OR51B5: variants seen among roughly 807,000 people sequenced by gnomAD.
OR51B5 encodes olfactory receptor family 51 subfamily B member 5.
For synonymous variants in OR51B5, 186 were observed against 144.8 expected, an observed-to-expected ratio of 1.28 and a Z score of -2.04; for missense variants, 456 against 374.6, an observed-to-expected ratio of 1.22 and a Z score of -1.79.
intron 1 of OR51B5, among the ~76,000 whole-genome samples, chr11:5,503,409 AACT>A (rs1301786214): frequency 1.3e-5 from 2 of 148,326 alleles, no homozygotes; most frequent in Non-Finnish European, 1.5e-5. Context: ...TATTTGAAGA[AACT>A]ACACTTTTTT....
chr11:5,408,572 T>G (rs1482320895), intron 1 of OR51B5, among the ~76,000 whole-genome samples: 1 of 152,174 alleles, frequency 6.6e-6, no homozygotes, highest in African/African-American at 2.4e-5. Flanking sequence ...TAGAGACTGG[T>G]CTGGCACTCA....
At chr11:5,356,164 G>A (rs777375943) in intron 1 of OR51B5, among the ~76,000 whole-genome samples, 3 of 152,080 alleles carry the variant, frequency 2.0e-5, no homozygotes, top group Non-Finnish European at 4.4e-5. Flanking sequence ...GGCTTCAGAC[G>A]ATCAAACTAC....
intron 1 of OR51B5, chr11:5,351,505 G>C: frequency 6.2e-7 from 1 of 1,603,962 alleles, no homozygotes. Flanking sequence ...TGCAAAGCTG[G>C]CAATGGGGCT....
Position 5,431,128 on chromosome 11 carries a change from G to C in OR51B5, n.84+74441C>G, listed in dbSNP as rs541256237. The C allele has an allele frequency of 3.0e-4, 121 of 408,930 alleles. 1 individual carries two copies. The highest frequency in any genetic ancestry group is 5.4e-4 in the Non-Finnish European group (109 of 203,150). 25.3% of individuals were successfully genotyped at this position (408,930 alleles called of 1,614,324 possible). On this transcript the variant is annotated intron_variant and non_coding_transcript_variant, in intron 1 of 4. Transcript: ENST00000415970. ...TTGCCTCAAAAGGATTGGAAGTGGG[G>C]CCATGAGTGCCACACTCTTCAGTGT... is the stretch of plus-strand genomic sequence containing the variant.
At chr11:5,352,797 CTATTATATATATT>C (rs1306773808) in intron 1 of OR51B5, among the ~76,000 whole-genome samples, 2 of 147,062 alleles carry the variant, frequency 1.4e-5, no homozygotes, top group African/African-American at 2.5e-5. Flanking sequence ...TACCCATACA[CTATTATATATATT>C]TAATATATAT....
At chr11:5,351,859 T>G in intron 1 of OR51B5, 1 of 1,613,688 alleles carries the variant, frequency 6.2e-7, no homozygotes, top group East Asian at 2.2e-5. Context: ...TGCCATGGCT[T>G]ATGACTGTTT....
intron 1 of OR51B5, among the ~76,000 whole-genome samples, chr11:5,417,797 G>T (rs967466574): frequency 1.5e-5 from 2 of 132,438 alleles, no homozygotes; most frequent in African/African-American, 5.4e-5. Flanking sequence ...AGGATGTGGA[G>T]AAATAGGAAC....
intron 1 of OR51B5, among the ~76,000 whole-genome samples, chr11:5,351,142 A>ATAAG (rs1849079050): frequency 6.6e-6 from 1 of 152,182 alleles, no homozygotes; most frequent in African/African-American, 2.4e-5. Context: ...AAAGTGACCT[A>ATAAG]TAAGTTTCAG....
intron 1 of OR51B5, among the ~76,000 whole-genome samples, chr11:5,368,797 C>T (rs917472585): frequency 3.3e-5 from 5 of 152,152 alleles, no homozygotes; most frequent in Admixed American, 1.3e-4. Context: ...TGAAAGCTTA[C>T]GATGGCTTTT....
intron 1 of OR51B5, among the ~76,000 whole-genome samples, chr11:5,368,354 G>A (rs1245047581): frequency 6.6e-6 from 1 of 151,924 alleles, no homozygotes; most frequent in Admixed American, 6.6e-5. Flanking sequence ...CTTTAAGTGG[G>A]GATACCAATA....
intron 1 of OR51B5, chr11:5,488,638 C>G: frequency 9.0e-7 from 1 of 1,117,298 alleles, no homozygotes; most frequent in Non-Finnish European, 1.3e-6. Context: ...ATAAATCAAC[C>G]AAATATCTGA....
At chr11:5,402,753 A>G in intron 1 of OR51B5, 1 of 471,478 alleles carries the variant, frequency 2.1e-6, no homozygotes, top group African/African-American at 2.0e-5. Context: ...TCACGTCATC[A>G]GAACAGATAT....
intron 1 of OR51B5, among the ~76,000 whole-genome samples, chr11:5,374,146 C>A (rs1046263555): frequency 6.6e-6 from 1 of 152,172 alleles, no homozygotes; most frequent in East Asian, 1.9e-4. Context: ...TCCAGAGGAA[C>A]GATCAGACAG....
chr11:5,422,231 G>A, intron 1 of OR51B5: 4 of 1,612,866 alleles, frequency 2.5e-6, no homozygotes, highest in East Asian at 2.2e-5. Flanking sequence ...CACACAAGAA[G>A]GCATCTACTT....
At chr11:5,412,159 G>A (rs114974338) in intron 1 of OR51B5, among the ~76,000 whole-genome samples, 318 of 152,258 alleles carry the variant, frequency 2.1e-3, no homozygotes, top group African/African-American at 7.4e-3. Context: ...TACACTCTGT[G>A]GATCTTTACA....
chr11:5,468,346 C>T (rs1851169207), intron 1 of OR51B5: 1 of 204,406 alleles, frequency 4.9e-6, no homozygotes, highest in Non-Finnish European at 9.9e-6. Context: ...GCCTGGCTAA[C>T]CCATATAACT....
At chr11:5,425,241 G>T (rs555732577) in intron 1 of OR51B5, among the ~76,000 whole-genome samples, 7 of 152,228 alleles carry the variant, frequency 4.6e-5, no homozygotes, top group African/African-American at 1.7e-4. Flanking sequence ...GAAAATTTTT[G>T]TCAATGTACA....
intron 1 of OR51B5, among the ~76,000 whole-genome samples, chr11:5,501,660 T>C (rs1846292620): frequency 6.7e-6 from 1 of 148,290 alleles, no homozygotes; most frequent in Non-Finnish European, 1.5e-5. Context: ...TTGTCCCTTT[T>C]AATTATTCAG....
intron 1 of OR51B5, chr11:5,403,450 TCC>T (rs1172202894): frequency 2.1e-6 from 1 of 471,664 alleles, no homozygotes; most frequent in East Asian, 6.9e-5. Context: ...TACCTCTTCT[TCC>T]CACCTGTTGT....
Sources: gnomAD v4.1 joint callset for allele counts (sites outside exome capture counted in the v4.1 genomes callset) on GRCh38, gnomAD v4.1.1 for gene constraint, MANE v1.5 for transcripts, NCBI Gene and HGNC (gene_info 2026-07-23, HGNC 2026-07-21) for gene names.